The following SGCD variants were observed in gnomAD, a reference collection of about 807,000 sequenced individuals.
SGCD encodes delta-sarcoglycan.
Under a neutral mutation model 36.6 loss-of-function variants are expected in SGCD, and 18 were observed. That is an observed-to-expected ratio of 0.49 (90% confidence interval 0.34 to 0.73). SGCD has a LOEUF of 0.73. Ranked by LOEUF, SGCD falls within the 30% of genes least tolerant of loss-of-function variation. SGCD has a pLI of 0.01. For synonymous variants in SGCD, 133 were observed against 130.6 expected (o/e 1.02, Z -0.12); for missense variants, 387 against 346.7 (o/e 1.12, Z -0.92).
At position 156,621,165 on chromosome 5, in the gene SGCD, A is replaced by G. The variant is rs566439266; in HGVS notation, c.502+26114A>G. ...GGACACTCTGGGTCCCTGCCTTTCT[A>G]GGATCCACAGCTAAGCAAGAAAGTT... On this transcript the variant is annotated intron_variant, in intron 6 of 8. Coordinates refer to ENST00000337851, the MANE Select transcript of SGCD (RefSeq NM_000337.6). 4.6e-5 allele frequency among the ~76,000 whole-genome samples: 7 copies of G among 152,278 alleles called. No individual in the cohort carries two copies. In the East Asian group the frequency reaches 9.7e-4, roughly 21 times the overall value.
chr5:156,015,466 T>G (rs975613978), intron 1 of SGCD, among the ~76,000 whole-genome samples: 5 of 152,054 alleles, frequency 3.3e-5, no homozygotes, highest in African/African-American at 9.7e-5. Context: ...ATATTTATAC[T>G]TCAAGAAGCC....
At chr5:156,446,809 A>T (rs533302628) in intron 3 of SGCD, among the ~76,000 whole-genome samples, 1 of 152,324 alleles carries the variant, frequency 6.6e-6, no homozygotes, top group South Asian at 2.1e-4. Flanking sequence ...CAGACTCCTC[A>T]CACTAGAGCT....
At chr5:156,646,988 C>G (rs946839058) in intron 6 of SGCD, among the ~76,000 whole-genome samples, 2 of 152,138 alleles carry the variant, frequency 1.3e-5, no homozygotes, top group Non-Finnish European at 2.9e-5. Flanking sequence ...ACTTTATTTA[C>G]TGAAAAACTT....
the SGCD span, among the ~76,000 whole-genome samples, chr5:155,860,577 G>T: frequency 6.6e-6 from 1 of 152,152 alleles, no homozygotes; most frequent in East Asian, 1.9e-4. Context: ...ATTTGCAAAT[G>T]ATTAAGGTAC....
intron 6 of SGCD, among the ~76,000 whole-genome samples, chr5:156,621,977 G>A (rs1382953626): frequency 2.6e-5 from 4 of 152,168 alleles, no homozygotes; most frequent in Non-Finnish European, 5.9e-5. Context: ...TTTATAGCAA[G>A]TTTAAGGGTG....
intron 3 of SGCD, among the ~76,000 whole-genome samples, chr5:156,125,887 A>ATTATTG (rs2127604192): frequency 8.4e-6 from 1 of 119,416 alleles, no homozygotes; most frequent in African/African-American, 3.2e-5. Flanking sequence ...TATTATTATT[A>ATTATTG]TTATTTTGGA....
chr5:156,238,064 C>G (rs1765211173), intron 3 of SGCD, among the ~76,000 whole-genome samples: 3 of 151,858 alleles, frequency 2.0e-5, no homozygotes, highest in Admixed American at 6.6e-5. Flanking sequence ...CTTCCCACCT[C>G]CCTCCTGAGT....
At chr5:156,359,011 A>G (rs1769636728) in intron 3 of SGCD, among the ~76,000 whole-genome samples, 1 of 152,192 alleles carries the variant, frequency 6.6e-6, no homozygotes. Context: ...AAGAAAAATT[A>G]AAAATAAGAA....
chr5:155,904,893 T>G (rs547225534), intron 1 of SGCD, among the ~76,000 whole-genome samples: 1 of 152,198 alleles, frequency 6.6e-6, no homozygotes, highest in Non-Finnish European at 1.5e-5. Flanking sequence ...GTTAGGAAAC[T>G]GCCATGTAAT....
chr5:156,199,155 A>G (rs1346738673), intron 3 of SGCD, among the ~76,000 whole-genome samples: 1 of 152,146 alleles, frequency 6.6e-6, no homozygotes, highest in Non-Finnish European at 1.5e-5. Context: ...TAGAGTCTGT[A>G]CATGGTCTTT....
intron 3 of SGCD, among the ~76,000 whole-genome samples, chr5:156,218,414 T>C (rs1272473429): frequency 6.6e-6 from 1 of 152,056 alleles, no homozygotes. Context: ...TGCAATAGAT[T>C]TTTAGCATCT....
At chr5:156,259,023 T>C (rs888605007) in intron 3 of SGCD, among the ~76,000 whole-genome samples, 2 of 152,072 alleles carry the variant, frequency 1.3e-5, no homozygotes, top group African/African-American at 4.8e-5. Flanking sequence ...TATAAGAAAC[T>C]GGCAAACACG....
At chr5:156,682,832 C>T (rs985976792) in intron 7 of SGCD, among the ~76,000 whole-genome samples, 3 of 152,100 alleles carry the variant, frequency 2.0e-5, no homozygotes, top group Admixed American at 6.5e-5. Context: ...AGTACCGTAC[C>T]GAAGGTCTCC....
At chr5:156,058,487 C>T (rs1215768382) in intron 1 of SGCD, among the ~76,000 whole-genome samples, 1 of 145,764 alleles carries the variant, frequency 6.9e-6, no homozygotes, top group Non-Finnish European at 1.5e-5. Context: ...GAGGCTGAGA[C>T]TCAGCATTTC....
At chr5:156,719,701 A>G (rs1218733933) in intron 7 of SGCD, among the ~76,000 whole-genome samples, 2 of 152,170 alleles carry the variant, frequency 1.3e-5, no homozygotes, top group African/African-American at 4.8e-5. Context: ...TCATATGATG[A>G]AAGGAAAGTT....
At chr5:156,479,575 G>C (rs1318608351) in intron 3 of SGCD, among the ~76,000 whole-genome samples, 1 of 152,126 alleles carries the variant, frequency 6.6e-6, no homozygotes, top group Non-Finnish European at 1.5e-5. Context: ...CTAAGACCTA[G>C]GGAGTATTCA....
At chr5:156,042,207 GAAGAA>G (rs1759654039) in intron 1 of SGCD, among the ~76,000 whole-genome samples, 1 of 150,410 alleles carries the variant, frequency 6.6e-6, no homozygotes, top group East Asian at 1.9e-4. Flanking sequence ...TTTGTCGATA[GAAGAA>G]AATAACAGAA....
chr5:155,758,393 T>C, the SGCD span, among the ~76,000 whole-genome samples: 1 of 152,216 alleles, frequency 6.6e-6, no homozygotes. Flanking sequence ...TGTTTCCAAG[T>C]TATTGATGAT....
the SGCD span, among the ~76,000 whole-genome samples, chr5:155,816,096 G>C: frequency 6.6e-6 from 1 of 152,122 alleles, no homozygotes; most frequent in Non-Finnish European, 1.5e-5. Context: ...TCAAGAATTT[G>C]AAATTTGTTC....
Sources: allele counts gnomAD v4.1 joint callset (sites outside exome capture counted in the v4.1 genomes callset), GRCh38; gene constraint gnomAD v4.1.1; transcripts MANE v1.5; gene names NCBI Gene and HGNC (gene_info 2026-07-23, HGNC 2026-07-21).